The following ZBTB20 variants were observed in gnomAD, a reference collection of about 807,000 sequenced individuals.
ZBTB20 encodes zinc finger and BTB domain-containing protein 20.
Under a neutral mutation model 56.9 loss-of-function variants are expected in ZBTB20, and 9 were observed. The observed-to-expected ratio is 0.16, with a 90% confidence interval of 0.10 to 0.28. The LOEUF is 0.28. Ranked by LOEUF, ZBTB20 falls within the 10% of genes least tolerant of loss-of-function variation. The pLI is 1.00. For synonymous variants in ZBTB20, 417 were observed against 420.7 expected (o/e 0.99, Z 0.11); for missense variants, 655 against 1,003.0 (o/e 0.65, Z 4.69).
At chr3:114,574,995 G>T (rs2053854627) in intron 6 of ZBTB20, among the ~76,000 whole-genome samples, 1 of 151,996 alleles carries the variant, frequency 6.6e-6, no homozygotes, top group Admixed American at 6.5e-5. Context: ...TAGAATACAA[G>T]AACTGGAAAG....
chr3:114,357,212 G>A (rs970926489), intron 10 of ZBTB20: 2 of 152,110 alleles, frequency 1.3e-5, no homozygotes, highest in Non-Finnish European at 2.9e-5. Context: ...ATTTCAGCAC[G>A]TTTTTTTAGC....
At chr3:114,692,919 T>G (rs2062782358) in intron 6 of ZBTB20, among the ~76,000 whole-genome samples, 1 of 152,132 alleles carries the variant, frequency 6.6e-6, no homozygotes, top group African/African-American at 2.4e-5. Context: ...GATAGCCTTA[T>G]TTATGTCTTT....
chr3:115,047,923 G>A (rs912044461), intron 2 of ZBTB20, among the ~76,000 whole-genome samples: 3 of 152,050 alleles, frequency 2.0e-5, no homozygotes, highest in African/African-American at 7.2e-5. Context: ...CTTATTAAGA[G>A]CTAAGAAAAT....
intron 2 of ZBTB20, among the ~76,000 whole-genome samples, chr3:115,011,692 T>C (rs1421240862): frequency 6.6e-6 from 1 of 151,752 alleles, no homozygotes; most frequent in African/African-American, 2.4e-5. Flanking sequence ...AGGATGTTAA[T>C]GAGCAATAAA....
intron 5 of ZBTB20, among the ~76,000 whole-genome samples, chr3:114,750,367 C>T (rs61031659): frequency 0.019 from 2,883 of 152,012 alleles, 98 homozygotes; most frequent in African/African-American, 0.066. Context: ...CCTCATCGGA[C>T]TGTAGGTGAA....
At chr3:114,850,316 C>T (rs1215719671) in intron 4 of ZBTB20, among the ~76,000 whole-genome samples, 5 of 152,086 alleles carry the variant, frequency 3.3e-5, no homozygotes, top group African/African-American at 4.8e-5. Flanking sequence ...ATATTTCAGC[C>T]ACGACCAAAA....
At chr3:114,456,015 G>C (rs2091990329) in intron 7 of ZBTB20, among the ~76,000 whole-genome samples, 1 of 152,044 alleles carries the variant, frequency 6.6e-6, no homozygotes, top group Non-Finnish European at 1.5e-5. Flanking sequence ...AGCTAACCTA[G>C]AGTATTCTTT....
At chr3:114,928,318 A>G (rs1560408772) in intron 3 of ZBTB20, among the ~76,000 whole-genome samples, 1 of 150,812 alleles carries the variant, frequency 6.6e-6, no homozygotes, top group Admixed American at 6.6e-5. Context: ...AGGTTCTTCA[A>G]TGATGGAGAA....
At chr3:114,477,473 A>C (rs1415660460) in intron 7 of ZBTB20, among the ~76,000 whole-genome samples, 2 of 147,018 alleles carry the variant, frequency 1.4e-5, no homozygotes, top group Non-Finnish European at 3.0e-5. Context: ...ACTGAAAATG[A>C]CCTTTGTTCC....
At chr3:114,829,961 A>T (rs1454901149) in intron 4 of ZBTB20, among the ~76,000 whole-genome samples, 1 of 151,964 alleles carries the variant, frequency 6.6e-6, no homozygotes, top group Non-Finnish European at 1.5e-5. Context: ...TCTTCAAGTC[A>T]GACAGCATTC....
intron 6 of ZBTB20, among the ~76,000 whole-genome samples, chr3:114,653,783 A>T (rs2060253634): frequency 6.6e-6 from 1 of 151,956 alleles, no homozygotes; most frequent in Admixed American, 6.5e-5. Flanking sequence ...TTTTGACGAC[A>T]AATTCAATTT....
chr3:114,452,384 G>C (rs2091675718), intron 7 of ZBTB20, among the ~76,000 whole-genome samples: 1 of 152,162 alleles, frequency 6.6e-6, no homozygotes, highest in African/African-American at 2.4e-5. Flanking sequence ...TAAGAAGTGA[G>C]TTACCCTGGA....
At chr3:114,907,400 G>A (rs750066049) in intron 3 of ZBTB20, among the ~76,000 whole-genome samples, 3 of 151,672 alleles carry the variant, frequency 2.0e-5, no homozygotes, top group Non-Finnish European at 4.4e-5. Context: ...TGTCTAAATC[G>A]TTATCTTTTC....
At chr3:114,717,120 C>A (rs917145976) in intron 5 of ZBTB20, among the ~76,000 whole-genome samples, 1 of 152,078 alleles carries the variant, frequency 6.6e-6, no homozygotes, top group African/African-American at 2.4e-5. Flanking sequence ...CCTTGCAGAG[C>A]CTTGGTTTCC....
intron 7 of ZBTB20, among the ~76,000 whole-genome samples, chr3:114,496,828 G>C (rs995571709): frequency 6.6e-6 from 1 of 152,154 alleles, no homozygotes; most frequent in African/African-American, 2.4e-5. Context: ...GACTTTAGGG[G>C]GGCATTATTT....
intron 4 of ZBTB20, among the ~76,000 whole-genome samples, chr3:114,830,627 T>C (rs1050634879): frequency 6.6e-6 from 1 of 151,994 alleles, no homozygotes; most frequent in Non-Finnish European, 1.5e-5. Context: ...TCTAGGAGAT[T>C]AGTACAATTA....
At chr3:114,903,938 T>C (rs1291941307) in intron 3 of ZBTB20, among the ~76,000 whole-genome samples, 1 of 151,986 alleles carries the variant, frequency 6.6e-6, no homozygotes, top group African/African-American at 2.4e-5. Context: ...CAGAAATGGA[T>C]GCATACTGAT....
At chr3:114,575,840 GC>G (rs1396112552) in intron 6 of ZBTB20, among the ~76,000 whole-genome samples, 1 of 152,202 alleles carries the variant, frequency 6.6e-6, no homozygotes, top group Non-Finnish European at 1.5e-5. Flanking sequence ...TGTGGAAATA[GC>G]CATGAATGGA....
At chr3:115,136,067 C>G (rs1363932469) in intron 1 of ZBTB20, among the ~76,000 whole-genome samples, 1 of 152,002 alleles carries the variant, frequency 6.6e-6, no homozygotes, top group Non-Finnish European at 1.5e-5. Flanking sequence ...GTACTCTATT[C>G]AACACAATAT....
Sources: allele counts gnomAD v4.1 joint callset (sites outside exome capture counted in the v4.1 genomes callset), GRCh38; gene constraint gnomAD v4.1.1; transcripts MANE v1.5; gene names NCBI Gene and HGNC (gene_info 2026-07-23, HGNC 2026-07-21).